NCOA2: variants seen among roughly 807,000 people sequenced by gnomAD.
NCOA2 encodes the protein class E basic helix-loop-helix protein 75.
Under a neutral mutation model 145.1 loss-of-function variants are expected in NCOA2, and 21 were observed. The ratio of observed to expected loss-of-function variants is 0.14; its 90% CI spans 0.10 to 0.21. The LOEUF is 0.21. NCOA2 is among the 10% of genes least tolerant of loss of function. NCOA2 has a pLI of 1.00. For synonymous variants in NCOA2, 619 were observed against 637.5 expected (o/e 0.97, Z 0.44); for missense variants, 1,472 against 1,837.6 (o/e 0.80, Z 3.64).
the NCOA2 span, among the ~76,000 whole-genome samples, chr8:70,411,476 G>GA: frequency 6.6e-6 from 1 of 152,160 alleles, no homozygotes; most frequent in African/African-American, 2.4e-5. Flanking sequence ...GAAACAATTA[G>GA]AAAATGAAAA....
chr8:70,216,016 T>G (rs1439313694), intron 3 of NCOA2, among the ~76,000 whole-genome samples: 1 of 152,238 alleles, frequency 6.6e-6, no homozygotes, highest in Admixed American at 6.5e-5. Context: ...AACAGACATT[T>G]AGGTTTTTCC....
rs1396381044 is a variant in NCOA2 at position 70,156,604 on chromosome 8, T to A, written c.1761A>T (p.Gly587=). The A allele has an allele frequency of 1.2e-6, 2 of 1,613,928 alleles. No homozygotes were observed. The highest frequency in any genetic ancestry group is 8.5e-7 in the Non-Finnish European group (1 of 1,179,882). Residue 587 remains glycine, a synonymous_variant, in exon 11 of 23, where the codon GGA becomes GGT. Coordinates refer to ENST00000452400, the MANE Select transcript of NCOA2 (RefSeq NM_006540.4). ...TACCTTCAGAGGGCTCCCCATATAG[T>A]CCAAAACAGTCTTTTGAGTCCAAGC... ...MGSLDSKDCF[G]LYGEPSEGTT...
intron 1 of NCOA2, among the ~76,000 whole-genome samples, chr8:70,314,835 C>T (rs1805458054): frequency 6.6e-6 from 1 of 152,098 alleles, no homozygotes; most frequent in Admixed American, 6.5e-5. Context: ...ACAAGAGAAA[C>T]GCAAGTGTGC....
intron 1 of NCOA2, among the ~76,000 whole-genome samples, chr8:70,400,203 G>C (rs947546607): frequency 2.6e-5 from 4 of 152,022 alleles, no homozygotes; most frequent in Non-Finnish European, 4.4e-5. Context: ...TAATAAATCC[G>C]TAATTGGTGA....
At chr8:70,311,039 A>G (rs986834831) in intron 1 of NCOA2, among the ~76,000 whole-genome samples, 2 of 152,168 alleles carry the variant, frequency 1.3e-5, no homozygotes, top group Non-Finnish European at 2.9e-5. Flanking sequence ...AGTATGTCTT[A>G]AAATCATTAG....
rs1811607233 is a variant in NCOA2, at chr8:70,150,425, T to C, written c.2395-1942A>G. On this transcript the variant is annotated intron_variant, in intron 11 of 22. Transcript: ENST00000452400. ...TTTGGCTGAGTCCTAAGTGAAGTAG[T>C]TTATGTAGGGGCCATACTGCATTTA... is the stretch of plus-strand genomic sequence containing the variant. Among the ~76,000 whole-genome samples the C allele has an allele frequency of 2.0e-5, 3 of 152,156 alleles. No homozygotes were observed. The South Asian group carries it at 6.2e-4, about 32-fold the overall frequency.
chr8:70,124,269 A>T (rs779747399), intron 20 of NCOA2, among the ~76,000 whole-genome samples, 187 bp from the exon 21 acceptor site: 2 of 152,094 alleles, frequency 1.3e-5, no homozygotes, highest in Non-Finnish European at 2.9e-5. Flanking sequence ...GTGGCATTCA[A>T]TGAAGCTGTG....
intron 1 of NCOA2, among the ~76,000 whole-genome samples, chr8:70,360,192 A>G (rs958864196): frequency 6.6e-6 from 1 of 152,226 alleles, no homozygotes; most frequent in Non-Finnish European, 1.5e-5. Context: ...TCAATGAGCA[A>G]ATGAAAGAGC....
chr8:70,155,198 T>C (rs780281129), intron 11 of NCOA2, among the ~76,000 whole-genome samples: 1 of 152,210 alleles, frequency 6.6e-6, no homozygotes, highest in Admixed American at 6.5e-5. Flanking sequence ...GACGTACTAA[T>C]ATCAGTTCAA....
At chr8:70,312,475 T>C (rs1306295579) in intron 1 of NCOA2, among the ~76,000 whole-genome samples, 1 of 152,216 alleles carries the variant, frequency 6.6e-6, no homozygotes, top group Non-Finnish European at 1.5e-5. Context: ...GTCTTTAGTT[T>C]AATCTAGCAT....
the NCOA2 span, among the ~76,000 whole-genome samples, chr8:70,418,146 T>A: frequency 6.6e-6 from 1 of 152,162 alleles, no homozygotes; most frequent in Admixed American, 6.6e-5. Flanking sequence ...ATAGTGGGTA[T>A]GGGAGAAAAC....
At chr8:70,448,786 A>G in the NCOA2 span, among the ~76,000 whole-genome samples, 2 of 146,690 alleles carry the variant, frequency 1.4e-5, no homozygotes, top group African/African-American at 5.1e-5. Context: ...ATTATCATAC[A>G]ATGAGACTTG....
Position 70,128,735 on chromosome 8 carries a change from T to C in NCOA2, c.3570A>G (p.Arg1190=), listed in dbSNP as rs1337946350. 1.9e-6 allele frequency: 3 copies of C among 1,613,846 alleles called. No homozygotes were observed. The highest frequency in any genetic ancestry group is 1.3e-5 in the African/African-American group (1 of 74,934). Residue 1190 remains arginine, a synonymous_variant, in exon 17 of 23, where the codon AGA becomes AGG. Transcript: ENST00000452400. ...GLVQNQPNQL[R]LQLQHRLQAQ... ...CTTGGAGGCGATGCTGAAGTTGAAG[T>C]CTTAGTTGATTTGGCTGGTTCTGCA...
chr8:70,406,453 A>G (rs1444081258), upstream of NCOA2, among the ~76,000 whole-genome samples: 3 of 152,216 alleles, frequency 2.0e-5, no homozygotes, highest in Admixed American at 1.3e-4. Flanking sequence ...AAGGAAGAAG[A>G]AGGAAAGAAA....
chr8:70,317,297 T>C (rs1329260380), intron 1 of NCOA2, among the ~76,000 whole-genome samples: 1 of 152,124 alleles, frequency 6.6e-6, no homozygotes, highest in Non-Finnish European at 1.5e-5. Flanking sequence ...TGGACCTGGT[T>C]CAAGCACTTA....
chr8:70,303,693 G>A (rs764502573), intron 1 of NCOA2, among the ~76,000 whole-genome samples: 12 of 152,166 alleles, frequency 7.9e-5, no homozygotes, highest in Non-Finnish European at 1.5e-4. Flanking sequence ...ACAATAACCT[G>A]CTGCTGGACT....
intron 4 of NCOA2, among the ~76,000 whole-genome samples, chr8:70,177,031 C>T (rs753020509): frequency 2.6e-5 from 4 of 152,218 alleles, no homozygotes; most frequent in Non-Finnish European, 5.9e-5. Flanking sequence ...TTGCAGCAGT[C>T]CACATGCAGG....
intron 2 of NCOA2, among the ~76,000 whole-genome samples, chr8:70,292,914 A>G (rs1186537493): frequency 1.3e-5 from 2 of 152,236 alleles, no homozygotes; most frequent in Non-Finnish European, 2.9e-5. Context: ...AGATCATTTC[A>G]ATGTGAGCCT....
At chr8:70,131,306 A>G (rs981401976) in intron 16 of NCOA2, among the ~76,000 whole-genome samples, 1 of 152,208 alleles carries the variant, frequency 6.6e-6, no homozygotes, top group Non-Finnish European at 1.5e-5. Flanking sequence ...CATAAGTGAA[A>G]GGTTTAACCC....
Sources: gnomAD v4.1 joint callset for allele counts (sites outside exome capture counted in the v4.1 genomes callset) on GRCh38, gnomAD v4.1.1 for gene constraint, MANE v1.5 for transcripts, NCBI Gene and HGNC (gene_info 2026-07-23, HGNC 2026-07-21) for gene names.